Variants in VPS13B observed in about 807,000 individuals in gnomAD.
The protein encoded by VPS13B is intermembrane lipid transfer protein VPS13B.
Under a neutral mutation model 426.4 loss-of-function variants are expected in VPS13B, and 285 were observed. The observed-to-expected ratio is 0.67, with a 90% CI of 0.61 to 0.74. The LOEUF (loss-of-function observed/expected upper bound fraction) is 0.74. Among genes scored for constraint, VPS13B ranks in the 30% least tolerant of loss-of-function variants. The pLI is 0.00. For missense variants in VPS13B, 4,537 were observed against 4,782.6 expected (o/e 0.95, Z 1.51); for synonymous variants, 1,676 against 1,676.4 (o/e 1.00, Z 0.01).
In VPS13B at chr8:99,497,104, AATATAAAAATATATTTATATATTTCAT is replaced by A. The variant is rs1315343551; in HGVS notation, c.3871-4575_3871-4549del. ...TATATATAAATATATATATTTATGTAATATAAAAATATATTTATATATTTCATATATAAATATATATATTTATGTAAT... is the reference window on the plus strand; with the variant it reads ...TATATATAAATATATATATTTATGTAATATAAATATATATATTTATGTAAT... On this transcript the variant is annotated intron_variant, in intron 25 of 61. Transcript: ENST00000357162. Among the ~76,000 whole-genome samples, 148 of 132,602 alleles carry A rather than the reference AATATAAAAATATATTTATATATTTCAT, an allele frequency of 1.1e-3. 1 individual carries two copies. The highest frequency in any genetic ancestry group is 3.6e-3 in the Admixed American group (47 of 13,080). The allele number at this position is 132,602 out of a possible 152,430, so 87.0% of individuals were successfully genotyped here.
chr8:99,335,489 C>A (rs1810791188), intron 19 of VPS13B, among the ~76,000 whole-genome samples: 1 of 151,716 alleles, frequency 6.6e-6, no homozygotes, highest in South Asian at 2.1e-4. Flanking sequence ...CTCTTGTGGG[C>A]ATTTAGTGCT....
At chr8:99,442,733 C>A (rs551311155) in intron 23 of VPS13B, 98 bp downstream of exon 23, 3 of 1,250,172 alleles carry the variant, frequency 2.4e-6, no homozygotes, top group Non-Finnish European at 3.4e-6. Context: ...GCAAATCAGT[C>A]TTCTCATTGA....
At chr8:99,146,188 C>T (rs1810717507) in intron 13 of VPS13B, among the ~76,000 whole-genome samples, 1 of 152,132 alleles carries the variant, frequency 6.6e-6, no homozygotes, top group Non-Finnish European at 1.5e-5. Context: ...TCATTTTATA[C>T]TCAAGTATGT....
intron 40 of VPS13B, among the ~76,000 whole-genome samples, chr8:99,775,814 C>G (rs578196155): frequency 1.3e-5 from 2 of 152,144 alleles, no homozygotes; most frequent in Non-Finnish European, 2.9e-5. Flanking sequence ...AGGAGAATCA[C>G]TTGAACCTGG....
intron 19 of VPS13B, among the ~76,000 whole-genome samples, chr8:99,333,123 G>T (rs1023137591): frequency 2.6e-5 from 4 of 151,520 alleles, no homozygotes; most frequent in African/African-American, 9.7e-5. Flanking sequence ...TTGAATTTTT[G>T]TAGAGTTTAT....
intron 44 of VPS13B, among the ~76,000 whole-genome samples, chr8:99,810,748 G>A (rs1463635162): frequency 2.0e-5 from 3 of 152,158 alleles, no homozygotes; most frequent in Non-Finnish European, 4.4e-5. Context: ...CAACAATGTT[G>A]TCAACTGACA....
intron 35 of VPS13B, among the ~76,000 whole-genome samples, chr8:99,684,147 G>A (rs890585617): frequency 6.6e-6 from 1 of 152,170 alleles, no homozygotes; most frequent in Non-Finnish European, 1.5e-5. Context: ...TATAGTCCTA[G>A]GACAACCCCT....
intron 19 of VPS13B, among the ~76,000 whole-genome samples, chr8:99,314,590 A>G (rs1821204630): frequency 6.6e-6 from 1 of 152,118 alleles, no homozygotes; most frequent in Non-Finnish European, 1.5e-5. Context: ...AGCTGGGACT[A>G]CAGGTGTGCA....
chr8:99,317,948 G>A (rs1809762939), intron 19 of VPS13B, among the ~76,000 whole-genome samples: 1 of 152,122 alleles, frequency 6.6e-6, no homozygotes, highest in South Asian at 2.1e-4. Context: ...GTATATATAT[G>A]TGTCTGTGTG....
chr8:99,238,151 C>T (rs1188901104), intron 17 of VPS13B, among the ~76,000 whole-genome samples: 1 of 151,794 alleles, frequency 6.6e-6, no homozygotes, highest in Non-Finnish European at 1.5e-5. Context: ...GATAGGGGTC[C>T]CTTTATAATT....
intron 17 of VPS13B, among the ~76,000 whole-genome samples, chr8:99,258,307 C>T (rs1020458369): frequency 2.0e-5 from 3 of 150,586 alleles, no homozygotes; most frequent in Non-Finnish European, 4.4e-5. Context: ...CATATTTATG[C>T]CTTTTTTTTA....
chr8:99,859,523 C>CTTTTT lies in VPS13B; in HGVS notation c.11044+54_11044+58dup. Reference sequence around the variant, plus strand: ...TTGTAATAATGCCTTCACTCCTTCCCTTTTTTTTTTTTTTTAAAGAATGTG... The same window carrying CTTTTT: ...TTGTAATAATGCCTTCACTCCTTCCCTTTTTTTTTTTTTTTTTTTTAAAGAATGTG... On this transcript the variant is annotated intron_variant, in intron 57 of 61. Transcript: ENST00000357162. 5 of 1,473,908 alleles carry CTTTTT rather than the reference C, an allele frequency of 3.4e-6. No individual in the cohort carries two copies. The African/African-American group carries it at 5.8e-5, about 17-fold the overall frequency. 91.3% of individuals were successfully genotyped at this position (1,473,908 alleles called of 1,614,324 possible).
intron 39 of VPS13B, among the ~76,000 whole-genome samples, chr8:99,723,728 G>A (rs747132116): frequency 1.9e-4 from 29 of 152,162 alleles, no homozygotes; most frequent in Non-Finnish European, 4.1e-4. Context: ...GCAGATTTCA[G>A]CAAGCAAAGA....
chr8:99,221,610 A>G (rs985790373), intron 17 of VPS13B, among the ~76,000 whole-genome samples: 1 of 152,224 alleles, frequency 6.6e-6, no homozygotes, highest in Non-Finnish European at 1.5e-5. Flanking sequence ...TTTAGCTAAT[A>G]CTTTTCAGTC....
At chr8:99,794,175 C>T (rs931907539) in intron 43 of VPS13B, among the ~76,000 whole-genome samples, 1 of 152,186 alleles carries the variant, frequency 6.6e-6, no homozygotes, top group Non-Finnish European at 1.5e-5. Flanking sequence ...CCTAACTAGA[C>T]ATCCAAATGG....
chr8:99,256,467 C>T (rs939282864), intron 17 of VPS13B, among the ~76,000 whole-genome samples: 22 of 152,256 alleles, frequency 1.4e-4, no homozygotes, highest in Non-Finnish European at 2.2e-4. Context: ...CTTGAGGAAT[C>T]GCGATACTGT....
chr8:99,488,909 T>A (rs1451201210), intron 25 of VPS13B, among the ~76,000 whole-genome samples: 1 of 152,256 alleles, frequency 6.6e-6, no homozygotes, highest in Non-Finnish European at 1.5e-5. Flanking sequence ...TTGTCTATTT[T>A]GGCTTTTGTT....
At chr8:99,647,572 G>A (rs1326986004) in intron 34 of VPS13B, among the ~76,000 whole-genome samples, 1 of 111,578 alleles carries the variant, frequency 9.0e-6, no homozygotes, top group African/African-American at 3.6e-5. Flanking sequence ...GAGCAAGACT[G>A]TAAAAAAAAA....
intron 20 of VPS13B, among the ~76,000 whole-genome samples, 181 bp from the exon 21 acceptor site, chr8:99,391,376 A>AG (rs942139618): frequency 1.2e-4 from 18 of 148,560 alleles, no homozygotes; most frequent in Middle Eastern, 3.4e-3. Flanking sequence ...AGAGAGAGAG[A>AG]AAAAAAAAAG....
Sources: allele counts gnomAD v4.1 joint callset (sites outside exome capture counted in the v4.1 genomes callset), GRCh38; gene constraint gnomAD v4.1.1; transcripts MANE v1.5; gene names NCBI Gene and HGNC (gene_info 2026-07-23, HGNC 2026-07-21).